CDH4: variants seen among roughly 807,000 people sequenced by gnomAD.
The protein encoded by CDH4 is cadherin 4, also known as cadherin-4.
In CDH4, 33 loss-of-function variants were observed where a neutral mutation model predicts 86.0. That is an observed-to-expected ratio of 0.38 (90% CI 0.29 to 0.51). CDH4 has a LOEUF of 0.51. Among genes scored for constraint, CDH4 ranks in the 20% least tolerant of loss-of-function variants. CDH4 has a pLI of 0.86. For missense variants in CDH4, 1,114 were observed against 1,307.4 expected, an observed-to-expected ratio of 0.85 and a Z score of 2.28; for synonymous variants, 555 against 549.4, an observed-to-expected ratio of 1.01 and a Z score of -0.14.
At chr20:61,532,046 G>A (rs2085958786) in intron 2 of CDH4, among the ~76,000 whole-genome samples, 1 of 152,246 alleles carries the variant, frequency 6.6e-6, no homozygotes, top group African/African-American at 2.4e-5. Flanking sequence ...CCTGTTGCCG[G>A]CCCTCAGGCT....
intron 4 of CDH4, among the ~76,000 whole-genome samples, chr20:61,808,700 T>C (rs1283754761): frequency 6.6e-6 from 1 of 152,258 alleles, no homozygotes; most frequent in East Asian, 1.9e-4. Flanking sequence ...GCCTTTCCAG[T>C]GTGGGAGCTG....
At chr20:61,262,263 G>A (rs1005334181) in intron 2 of CDH4, among the ~76,000 whole-genome samples, 4 of 152,174 alleles carry the variant, frequency 2.6e-5, no homozygotes, top group Non-Finnish European at 4.4e-5. Flanking sequence ...TGAGGCTGCC[G>A]TGGCCTTTCT....
chr20:61,621,998 A>G (rs1229388459), intron 2 of CDH4, among the ~76,000 whole-genome samples: 1 of 152,224 alleles, frequency 6.6e-6, no homozygotes, highest in Non-Finnish European at 1.5e-5. Flanking sequence ...TGCAGGTCCC[A>G]GCAGCCGGTT....
At chr20:61,682,278 A>G (rs1011226339) in intron 2 of CDH4, among the ~76,000 whole-genome samples, 2 of 151,710 alleles carry the variant, frequency 1.3e-5, no homozygotes, top group South Asian at 2.1e-4. Flanking sequence ...AGATGGATGG[A>G]TGGACAGGTG....
intron 2 of CDH4, among the ~76,000 whole-genome samples, chr20:61,557,756 C>T (rs778273525): frequency 1.3e-5 from 2 of 152,194 alleles, no homozygotes; most frequent in South Asian, 2.1e-4. Context: ...AGGGCGTGAA[C>T]GTGCAGCCAC....
intron 2 of CDH4, among the ~76,000 whole-genome samples, chr20:61,280,851 C>CT (rs2084254981): frequency 6.6e-6 from 1 of 152,186 alleles, no homozygotes. Flanking sequence ...CCTCGCTACC[C>CT]TCCCTGTTCC....
chr20:61,886,649 G>A (rs551174527), intron 7 of CDH4, among the ~76,000 whole-genome samples: 6 of 152,296 alleles, frequency 3.9e-5, no homozygotes, highest in African/African-American at 7.2e-5. Context: ...ACGCTGGGAC[G>A]CTGGTCCAGA....
chr20:61,753,563 AC>A (rs2145957559), intron 3 of CDH4, among the ~76,000 whole-genome samples: 1 of 152,236 alleles, frequency 6.6e-6, no homozygotes, highest in South Asian at 2.1e-4. Flanking sequence ...GGGCTGAGTC[AC>A]CCCTGAGGAA....
At chr20:61,783,306 C>T (rs1245507373) in intron 4 of CDH4, among the ~76,000 whole-genome samples, 3 of 152,224 alleles carry the variant, frequency 2.0e-5, no homozygotes, top group African/African-American at 7.2e-5. Context: ...GTAAATTCTC[C>T]AAAGGCACAT....
chr20:61,907,128 C>T (rs932368865), intron 8 of CDH4, among the ~76,000 whole-genome samples: 5 of 152,058 alleles, frequency 3.3e-5, no homozygotes, highest in African/African-American at 1.2e-4. Context: ...CCAGCTACCA[C>T]CTCCCCTGAG....
rs7269583 is a variant in CDH4 at position 61,562,315 on chromosome 20, T to A, written c.170-181248T>A. Among the ~76,000 whole-genome samples, 2 of 46,152 alleles carry A rather than the reference T, an allele frequency of 4.3e-5. 1 individual carries two copies. Among genetic ancestry groups the A allele is most frequent in the African/African-American group, 2.9e-4 (2 of 6,792 alleles). 30.3% of individuals were successfully genotyped at this position (46,152 alleles called of 152,430 possible). A position where few individuals can be genotyped will look rare whatever the true frequency, so the allele number is the denominator to read the frequency against. On this transcript the variant is annotated intron_variant, in intron 2 of 15. Coordinates refer to ENST00000614565, the MANE Select transcript of CDH4 (RefSeq NM_001794.5). ...GCTCCCGGAGAGAGAGAGGGACCTC[T>A]GTGTGGAGAGGTGGACCCCAGGGCT...
chr20:61,666,756 C>T (rs781688784), intron 2 of CDH4, among the ~76,000 whole-genome samples: 4 of 152,218 alleles, frequency 2.6e-5, no homozygotes, highest in Admixed American at 1.3e-4. Context: ...ATCTTACCCT[C>T]GATGGGGTGT....
chr20:61,330,002 G>T (rs2084563628), intron 2 of CDH4, among the ~76,000 whole-genome samples: 1 of 152,074 alleles, frequency 6.6e-6, no homozygotes, highest in Admixed American at 6.6e-5. Flanking sequence ...CCATGTCCCT[G>T]CAAAGGACAT....
intron 2 of CDH4, among the ~76,000 whole-genome samples, chr20:61,614,826 G>C (rs531237142): frequency 6.6e-6 from 1 of 152,296 alleles, no homozygotes; most frequent in East Asian, 1.9e-4. Context: ...GGATGGGGAT[G>C]AGGGTCACCT....
chr20:61,271,434 C>T (rs2084182326), intron 2 of CDH4, among the ~76,000 whole-genome samples: 2 of 152,208 alleles, frequency 1.3e-5, no homozygotes, highest in African/African-American at 2.4e-5. Context: ...AGACAGCCCT[C>T]AGCATCCAGC....
intron 4 of CDH4, among the ~76,000 whole-genome samples, chr20:61,785,470 G>A (rs1978825326): frequency 6.6e-6 from 1 of 152,214 alleles, no homozygotes; most frequent in South Asian, 2.1e-4. Flanking sequence ...TTTGGCCTGT[G>A]GGCTGTGGTT....
chr20:61,919,046 T>G (rs1327298440), intron 9 of CDH4, among the ~76,000 whole-genome samples: 1 of 152,264 alleles, frequency 6.6e-6, no homozygotes, highest in African/African-American at 2.4e-5. Context: ...AATTTCTTTT[T>G]GTTTTGTAGA....
In CDH4 at chr20:61,663,996, T is replaced by A. The variant is rs949919254; in HGVS notation, c.170-79567T>A. Among the ~76,000 whole-genome samples the A allele has an allele frequency of 1.8e-4, 27 of 152,108 alleles. No homozygotes were observed. Among genetic ancestry groups the A allele is most frequent in the Admixed American group, 3.3e-4 (5 of 15,282 alleles). On this transcript the variant is annotated intron_variant, in intron 2 of 15. Transcript: ENST00000614565. The surrounding 1 kb of genome is among the most constrained non-coding windows in gnomAD (Gnocchi z 5.0). ...TGCCACCGGGACCCTTCCGTAGACA[T>A]GCACCATGAAGACCAGGCCTGGTGA...
intron 2 of CDH4, among the ~76,000 whole-genome samples, chr20:61,403,142 G>A (rs928529620): frequency 6.6e-6 from 1 of 152,196 alleles, no homozygotes; most frequent in African/African-American, 2.4e-5. Flanking sequence ...ATAGCTGGAG[G>A]TCCAGCAGCC....
Sources: allele counts gnomAD v4.1 joint callset (sites outside exome capture counted in the v4.1 genomes callset), GRCh38; gene constraint gnomAD v4.1.1; non-coding constraint Gnocchi (gnomAD v3.1); transcripts MANE v1.5; gene names NCBI Gene and HGNC (gene_info 2026-07-23, HGNC 2026-07-21).